Variants in C16orf78 observed in about 807,000 individuals in gnomAD.
C16orf78 encodes chromosome 16 open reading frame 78.
A neutral mutation model predicts 27.3 loss-of-function variants in C16orf78; 19 were observed. That is an observed-to-expected ratio of 0.70 (90% CI 0.49 to 1.02). The LOEUF (loss-of-function observed/expected upper bound fraction) is 1.02. C16orf78 is among the 50% of genes least tolerant of loss of function. The pLI is 0.00. For synonymous variants in C16orf78, 130 were observed against 116.1 expected (o/e 1.12, Z -0.77); for missense variants, 339 against 337.0 (o/e 1.01, Z -0.05).
intron 3 of C16orf78, among the ~76,000 whole-genome samples, chr16:49,383,687 T>G (rs546710893): frequency 2.0e-5 from 3 of 152,244 alleles, no homozygotes; most frequent in Non-Finnish European, 1.5e-5. Flanking sequence ...GTTATTTATG[T>G]CTTTATATTT....
At chr16:49,396,731 G>C in intron 4 of C16orf78, 53 bp downstream of exon 4, 1 of 1,574,364 alleles carries the variant, frequency 6.4e-7, no homozygotes, top group Non-Finnish European at 8.6e-7. Flanking sequence ...AACAGGCTTT[G>C]CTCACTCTTG....
intron 3 of C16orf78, among the ~76,000 whole-genome samples, chr16:49,395,248 A>G (rs1043399923): frequency 2.0e-5 from 3 of 152,198 alleles, no homozygotes; most frequent in Admixed American, 6.5e-5. Flanking sequence ...TACTTGTCAT[A>G]CCAGTTAGAA....
Position 49,399,160 on chromosome 16 carries a change from G to A in C16orf78, c.680G>A (p.Arg227Gln), listed in dbSNP as rs182553423. Residue 227 changes from arginine to glutamine, a missense_variant, in exon 5 of 5, where the codon CGG becomes CAG. Physicochemically the swap from Arg to Gln is conservative, Grantham distance 43. Transcript: ENST00000299191. Reference sequence around the variant, plus strand: ...CTGAGGTTATCCAAGGAGAACATTCGGACCTTGCTCAAGTTGTGCAAGGAT... The same window carrying A: ...CTGAGGTTATCCAAGGAGAACATTCAGACCTTGCTCAAGTTGTGCAAGGAT... ...RYLRLSKENI[R>Q]TLLKLCKDAG... 58 of 1,614,094 alleles carry A rather than the reference G, an allele frequency of 3.6e-5. No homozygotes were observed. In the East Asian group the frequency reaches 8.9e-4, roughly 25 times the overall value.
At chr16:49,390,896 A>G (rs1028632116) in intron 3 of C16orf78, among the ~76,000 whole-genome samples, 1 of 152,210 alleles carries the variant, frequency 6.6e-6, no homozygotes, top group Non-Finnish European at 1.5e-5. Flanking sequence ...CATCTTCCAA[A>G]TGAAGGTTGG....
intron 3 of C16orf78, among the ~76,000 whole-genome samples, chr16:49,385,031 C>A (rs956788104): frequency 2.0e-5 from 3 of 152,044 alleles, no homozygotes; most frequent in African/African-American, 7.2e-5. Flanking sequence ...TATAAGAAAT[C>A]ATAAAGTGAG....
rs368092475 is a variant in C16orf78 at position 49,396,711 on chromosome 16, G to A, written c.650+33G>A. ...CTGCCACCCCCTGGGCAGATGGGGT[G>A]GGGTCCTGGAACAGGCTTTGCTCAC... On this transcript the variant is annotated intron_variant, in intron 4 of 4. Transcript: ENST00000299191. 6.9e-6 allele frequency: 11 copies of A among 1,593,978 alleles called. No individual in the cohort carries two copies. The Admixed American group carries it at 1.3e-4, about 20-fold the overall frequency.
chr16:49,377,760 T>C lies in C16orf78; in HGVS notation c.180T>C (p.Leu60=), dbSNP rs778321319. 10 of 1,602,108 alleles carry C rather than the reference T, an allele frequency of 6.2e-6. No homozygotes were observed. Among genetic ancestry groups the C allele is most frequent in the South Asian group, 1.1e-5 (1 of 88,368 alleles). ...EKQKPKVVTV[L]KRNKKKEEKK... is the part of the protein sequence containing the mutation. The stretch of plus-strand genomic sequence containing the variant: ...AAAAGCCCAAAGTGGTGACAGTCCT[T>C]AAACGAAATAAGAAGAAGGAAGAGA... Residue 60 remains leucine (L), a synonymous_variant, in exon 2 of 5, where the codon CTT becomes CTC. Coordinates refer to ENST00000299191, the MANE Select transcript of C16orf78 (RefSeq NM_144602.4).
At chr16:49,382,388 C>T (rs1451095969) in intron 3 of C16orf78, among the ~76,000 whole-genome samples, 1 of 151,660 alleles carries the variant, frequency 6.6e-6, no homozygotes, top group Non-Finnish European at 1.5e-5. Flanking sequence ...ACAATGTGCA[C>T]ATGTACCCTA....
At chr16:49,393,116 G>A (rs1965432099) in intron 3 of C16orf78, among the ~76,000 whole-genome samples, 1 of 152,128 alleles carries the variant, frequency 6.6e-6, no homozygotes, top group African/African-American at 2.4e-5. Context: ...AAATTACCCA[G>A]TCTCGGGTAC....
At chr16:49,387,299 TGTTGTC>T (rs1264343969) in intron 3 of C16orf78, among the ~76,000 whole-genome samples, 2 of 151,994 alleles carry the variant, frequency 1.3e-5, no homozygotes, top group Non-Finnish European at 2.9e-5. Context: ...TTGTTGTTGT[TGTTGTC>T]GTTTCTTTCT....
At position 49,396,581 on chromosome 16, in the gene C16orf78, G is replaced by A. The variant is rs1384184997; in HGVS notation, c.553G>A (p.Ala185Thr). ...CTGGTCCAACAAGATGCCTGACATGGCTTACGAACGCAAGCTAAAGAGCCT... is the reference window on the plus strand; with the variant it reads ...CTGGTCCAACAAGATGCCTGACATGACTTACGAACGCAAGCTAAAGAGCCT... ...RDWSNKMPDMAYERKLKSLME... is the reference protein window; with the variant it reads ...RDWSNKMPDMTYERKLKSLME... Residue 185 changes from alanine (A) to threonine (T), a missense_variant, in exon 4 of 5, where the codon GCT (alanine) becomes ACT (threonine). By Grantham distance (58) the Ala-to-Thr change is moderately conservative (BLOSUM62 0). Coordinates refer to ENST00000299191, the MANE Select transcript of C16orf78 (RefSeq NM_144602.4). 1 of 1,614,070 alleles carries A rather than the reference G, an allele frequency of 6.2e-7. No homozygotes were observed. The highest frequency in any genetic ancestry group is 2.2e-5 in the East Asian group (1 of 44,882).
chr16:49,388,893 G>A (rs532587525), intron 3 of C16orf78, among the ~76,000 whole-genome samples: 2 of 152,266 alleles, frequency 1.3e-5, no homozygotes, highest in African/African-American at 4.8e-5. Context: ...ACAAATTCAA[G>A]AGGACTAGAA....
At chr16:49,391,208 A>G (rs1295356803) in intron 3 of C16orf78, among the ~76,000 whole-genome samples, 2 of 152,228 alleles carry the variant, frequency 1.3e-5, no homozygotes, top group African/African-American at 4.8e-5. Context: ...ATGAGCCAGG[A>G]AAAGATCCTG....
At chr16:49,395,715 GA>G (rs1204317274) in intron 3 of C16orf78, among the ~76,000 whole-genome samples, 2 of 152,090 alleles carry the variant, frequency 1.3e-5, no homozygotes, top group African/African-American at 4.8e-5. Flanking sequence ...ACTGATCAAC[GA>G]TTCGCCCTTT....
intron 3 of C16orf78, among the ~76,000 whole-genome samples, chr16:49,380,043 G>C (rs1160383848): frequency 6.6e-6 from 1 of 152,172 alleles, no homozygotes; most frequent in East Asian, 1.9e-4. Flanking sequence ...TTTCTCCTGT[G>C]CTGGATGCTT....
At chr16:49,380,473 C>T (rs1648953185) in intron 3 of C16orf78, among the ~76,000 whole-genome samples, 1 of 152,208 alleles carries the variant, frequency 6.6e-6, no homozygotes, top group South Asian at 2.1e-4. Flanking sequence ...CTCCAAAATC[C>T]TGGTCCTGTT....
chr16:49,377,163 G>T (rs1965229786), intron 1 of C16orf78, among the ~76,000 whole-genome samples: 1 of 152,214 alleles, frequency 6.6e-6, no homozygotes, highest in South Asian at 2.1e-4. Context: ...TCCATTCAGG[G>T]CAGGGTGTGC....
At chr16:49,387,806 A>T in intron 3 of C16orf78, among the ~76,000 whole-genome samples, 1 of 152,186 alleles carries the variant, frequency 6.6e-6, no homozygotes, top group East Asian at 1.9e-4. Flanking sequence ...GTATGTGTCC[A>T]GTAATTTATC....
rs1297095006 is a variant in C16orf78 at position 49,399,206 on chromosome 16, C to T, written c.726C>T (p.Ile242=). ...LCKDAGMNVD[I]HPHMVEEDID... ...AGGATGCAGGAATGAATGTGGATAT[C>T]CACCCCCACATGGTCGAAGAGGACA... The change falls in exon 5 of 5, where the codon ATC becomes ATT. Residue 242 remains isoleucine (I), a synonymous_variant. Transcript: ENST00000299191. 6 of 1,613,916 alleles carry T rather than the reference C, an allele frequency of 3.7e-6. No homozygotes were observed. In the African/African-American group the frequency reaches 5.3e-5, roughly 14 times the overall value.
Sources: gnomAD v4.1 joint callset for allele counts (sites outside exome capture counted in the v4.1 genomes callset) on GRCh38, gnomAD v4.1.1 for gene constraint, MANE v1.5 for transcripts, NCBI Gene and HGNC (gene_info 2026-07-23, HGNC 2026-07-21) for gene names.